The following LARS2 variants were observed in gnomAD, a reference collection of about 807,000 sequenced individuals.
The protein encoded by LARS2 is leucyl-tRNA synthetase 2, mitochondrial.
Under a neutral mutation model 116.6 loss-of-function variants are expected in LARS2, and 81 were observed. The observed-to-expected ratio is 0.69, with a 90% CI of 0.58 to 0.84. The LOEUF (loss-of-function observed/expected upper bound fraction) is 0.84, where lower values mean the gene tolerates loss of function less well. Among genes scored for constraint, LARS2 ranks in the 40% least tolerant of loss-of-function variants. The probability of loss-of-function intolerance (pLI) is 0.00; values close to 1 mark genes in which losing one functional copy is unlikely to be tolerated. For missense variants in LARS2, 968 were observed against 1,114.5 expected (o/e 0.87, Z 1.87); for synonymous variants, 396 against 407.2 (o/e 0.97, Z 0.33).
intron 10 of LARS2, among the ~76,000 whole-genome samples, chr3:45,481,072 A>G (rs1301414445): frequency 6.6e-6 from 1 of 152,164 alleles, no homozygotes; most frequent in African/African-American, 2.4e-5. Flanking sequence ...CTCCAGCCCT[A>G]GGCAATCACT....
intron 7 of LARS2, 60 bp downstream of exon 7, chr3:45,447,040 T>C (rs1410560233): frequency 5.3e-5 from 53 of 1,003,796 alleles, no homozygotes; most frequent in East Asian, 2.5e-5. Context: ...TACATCATTG[T>C]AGTAGCAGCG....
intron 16 of LARS2, among the ~76,000 whole-genome samples, chr3:45,515,752 C>T (rs558186472): frequency 4.6e-5 from 7 of 152,206 alleles, no homozygotes; most frequent in South Asian, 2.1e-4. Flanking sequence ...GCAACGTGTG[C>T]GAGTTTTTCA....
chr3:45,507,195 G>A (rs925946900), intron 15 of LARS2, among the ~76,000 whole-genome samples: 5 of 151,584 alleles, frequency 3.3e-5, no homozygotes, highest in African/African-American at 9.7e-5. Context: ...GCAGGGGTTC[G>A]AGACCAGCCT....
chr3:45,469,494 T>C (rs7620871), intron 8 of LARS2, among the ~76,000 whole-genome samples: 121,642 of 152,002 alleles, frequency 0.8, 52,822 homozygotes, highest in East Asian at 0.98. Context: ...TACAGGTGCC[T>C]GCCACCATGC....
chr3:45,479,347 C>T (rs564807645), intron 10 of LARS2, among the ~76,000 whole-genome samples: 1 of 152,142 alleles, frequency 6.6e-6, no homozygotes, highest in South Asian at 2.1e-4. Context: ...ACACATGTGG[C>T]CAGGGTGATG....
chr3:45,512,505 A>G (rs1700305436), intron 15 of LARS2, among the ~76,000 whole-genome samples: 1 of 152,254 alleles, frequency 6.6e-6, no homozygotes, highest in Non-Finnish European at 1.5e-5. Context: ...GGTACTATAA[A>G]TAAGTTATAA....
chr3:45,481,349 G>A (rs1699697969), intron 10 of LARS2, among the ~76,000 whole-genome samples: 1 of 152,138 alleles, frequency 6.6e-6, no homozygotes, highest in Non-Finnish European at 1.5e-5. Context: ...TTTTTGTGTG[G>A]ATGTATGTTT....
chr3:45,513,114 T>C lies in LARS2; in HGVS notation c.1761-21T>C, dbSNP rs992174429. 7 of 1,544,162 alleles carry C rather than the reference T, an allele frequency of 4.5e-6. No individual in the cohort carries two copies. The Admixed American group carries it at 1.0e-4, about 22-fold the overall frequency. ...TCATGTCCCACTCCTCCTGTTTTCT[T>C]TTCCTGTCATCTTTCCTCAGGGAGC... On this transcript the variant is annotated intron_variant, in intron 15 of 21. Transcript: ENST00000645846.
At chr3:45,423,954 A>T in intron 6 of LARS2, among the ~76,000 whole-genome samples, 1 of 152,170 alleles carries the variant, frequency 6.6e-6, no homozygotes, top group African/African-American at 2.4e-5. Context: ...AAAAATACTT[A>T]TAGGCTTGCA....
chr3:45,449,551 T>G (rs1393383164), intron 7 of LARS2, among the ~76,000 whole-genome samples: 1 of 152,178 alleles, frequency 6.6e-6, no homozygotes, highest in Admixed American at 6.5e-5. Flanking sequence ...AGAGCCCTCA[T>G]GACCTAATCA....
chr3:45,518,831 T>A (rs772120431), intron 18 of LARS2, among the ~76,000 whole-genome samples: 1 of 152,176 alleles, frequency 6.6e-6, no homozygotes, highest in Non-Finnish European at 1.5e-5. Flanking sequence ...GGTTTTTGCC[T>A]CTCTGGTTTG....
chr3:45,490,014 G>T (rs1384753711), intron 12 of LARS2, among the ~76,000 whole-genome samples: 3 of 152,108 alleles, frequency 2.0e-5, no homozygotes, highest in African/African-American at 7.2e-5. Context: ...GTGACTATCT[G>T]GCTATATTTA....
Position 45,541,837 on chromosome 3 carries a change from C to T in LARS2, c.2413C>T (p.Leu805=). Residue 805 remains leucine (L), a synonymous_variant, in exon 21 of 22, where the codon CTG becomes TTG. Transcript: ENST00000645846. ...GTGCCTCGGCATTGCAGGCCTGGCG[C>T]TGGTGCCGAGGAAGCTCTGTGCCCA... is the stretch of plus-strand genomic sequence containing the variant. ...VTSEIWAGLA[L]VPRKLCAHYT... The T allele has an allele frequency of 6.2e-7, 1 of 1,614,180 alleles. No homozygotes were observed. Among genetic ancestry groups the T allele is most frequent in the Non-Finnish European group, 8.5e-7 (1 of 1,180,010 alleles).
intron 15 of LARS2, among the ~76,000 whole-genome samples, chr3:45,510,118 T>C (rs1700265096): frequency 6.6e-6 from 1 of 151,898 alleles, no homozygotes; most frequent in African/African-American, 2.4e-5. Flanking sequence ...GAGTGGCCTT[T>C]AAGGATTTTC....
intron 7 of LARS2, among the ~76,000 whole-genome samples, chr3:45,451,491 T>G (rs969161100): frequency 6.6e-6 from 1 of 152,192 alleles, no homozygotes; most frequent in African/African-American, 2.4e-5. Flanking sequence ...TTTAGAAACT[T>G]TGTCAAAAAT....
intron 11 of LARS2, among the ~76,000 whole-genome samples, chr3:45,487,343 T>C (rs1304748379): frequency 6.6e-6 from 1 of 152,256 alleles, no homozygotes; most frequent in Non-Finnish European, 1.5e-5. Context: ...ATTTTGTCTA[T>C]AATCTCAGCT....
chr3:45,482,107 C>T (rs1217560944), intron 10 of LARS2, among the ~76,000 whole-genome samples: 2 of 152,174 alleles, frequency 1.3e-5, no homozygotes, highest in East Asian at 3.8e-4. Context: ...TCTTAAAAAT[C>T]AGGCTGCTTC....
intron 10 of LARS2, among the ~76,000 whole-genome samples, chr3:45,479,731 T>C (rs1699666925): frequency 6.6e-6 from 1 of 152,168 alleles, no homozygotes; most frequent in South Asian, 2.1e-4. Flanking sequence ...TGATAGGAAC[T>C]AGAAGCCATA....
chr3:45,540,701 T>A (rs2125770867), intron 20 of LARS2, among the ~76,000 whole-genome samples: 1 of 152,300 alleles, frequency 6.6e-6, no homozygotes, highest in South Asian at 2.1e-4. Context: ...TTTGGGGGCA[T>A]CTCTTATACT....
Sources: allele counts gnomAD v4.1 joint callset (sites outside exome capture counted in the v4.1 genomes callset), GRCh38; gene constraint gnomAD v4.1.1; transcripts MANE v1.5; gene names NCBI Gene and HGNC (gene_info 2026-07-23, HGNC 2026-07-21).